ZNF189: variants seen among roughly 807,000 people sequenced by gnomAD.
The protein encoded by ZNF189 is zinc finger protein 189.
In ZNF189, 33 loss-of-function variants were observed where a neutral mutation model predicts 53.5. The observed-to-expected ratio is 0.62, with a 90% confidence interval of 0.47 to 0.82. The LOEUF is 0.82. Among genes scored for constraint, ZNF189 ranks in the 40% least tolerant of loss-of-function variants. The pLI, the probability that ZNF189 is intolerant of heterozygous loss-of-function variation, is 0.00. For synonymous variants in ZNF189, 247 were observed against 238.8 expected (o/e 1.03, Z -0.32); for missense variants, 711 against 753.9 (o/e 0.94, Z 0.67).
Position 101,409,128 on chromosome 9 carries a change from A to G in ZNF189, c.1360A>G (p.Lys454Glu). The change falls in exon 3 of 3, where the codon AAA becomes GAA. Residue 454 changes from lysine (K) to glutamate (E), a missense_variant. Physicochemically the swap from Lys to Glu is moderately conservative, Grantham distance 56. Coordinates refer to ENST00000339664, the MANE Select transcript of ZNF189 (RefSeq NM_003452.4). ...ACAGCAGGAAGTCTACCCTAAGGAG[A>G]AATCTTATAAATGTGATGAATGTGG... ...VIQQEVYPKE[K>E]SYKCDECGKT... 1 of 1,614,000 alleles carries G rather than the reference A, an allele frequency of 6.2e-7. No individual in the cohort carries two copies. The highest frequency in any genetic ancestry group is 2.2e-5 in the East Asian group (1 of 44,874).
At position 101,408,467 on chromosome 9, in the gene ZNF189, G is replaced by A; in HGVS notation, c.699G>A (p.Gln233=). The stretch of plus-strand genomic sequence containing the variant: ...TCCACACTGGAGAAAGACCCTATCA[G>A]TGTAATCAGTGTAAACAGAGCTTCA... ...QRIHTGERPY[Q]CNQCKQSFSQ... The change falls in exon 3 of 3, where the codon CAG becomes CAA. Residue 233 remains glutamine (Q), a synonymous_variant. Coordinates refer to ENST00000339664, the MANE Select transcript of ZNF189 (RefSeq NM_003452.4). 1 of 1,614,056 alleles carries A rather than the reference G, an allele frequency of 6.2e-7. No individual in the cohort carries two copies. The highest frequency in any genetic ancestry group is 8.5e-7 in the Non-Finnish European group (1 of 1,180,010).
In ZNF189 at chr9:101,408,883, A is replaced by G; in HGVS notation, c.1115A>G (p.Tyr372Cys). The G allele has an allele frequency of 6.2e-7, 1 of 1,614,102 alleles. No homozygotes were observed. The highest frequency in any genetic ancestry group is 8.5e-7 in the Non-Finnish European group (1 of 1,180,010). The part of the protein sequence containing the change: ...HQRIHTGERP[Y>C]QCKECGKSFS... Reference sequence around the variant, plus strand: ...AGGATCCATACTGGTGAAAGACCTTATCAGTGCAAAGAGTGTGGGAAAAGT... The same window carrying G: ...AGGATCCATACTGGTGAAAGACCTTGTCAGTGCAAAGAGTGTGGGAAAAGT... Residue 372 changes from tyrosine to cysteine, a missense_variant, in exon 3 of 3, where the codon TAT becomes TGT. Tyr to Cys is a radical substitution (Grantham distance 194). Transcript: ENST00000339664.
At position 101,410,213 on chromosome 9, in the gene ZNF189, C is replaced by T. The variant is rs10819928; in HGVS notation, c.*564C>T. 6.5e-6 allele frequency: 1 copy of T among 152,784 alleles called. No homozygotes were observed. Among genetic ancestry groups the T allele is most frequent in the Non-Finnish European group, 1.5e-5 (1 of 68,172 alleles). 9.5% of individuals were successfully genotyped at this position (152,784 alleles called of 1,614,324 possible). On this transcript the variant is annotated 3_prime_UTR_variant, in exon 3 of 3. Transcript: ENST00000339664. ...TTCCAATGCCTGATGGTTCCCAGAT[C>T]TATGAAATGAGTGGACCATTAACCT...
chr9:101,406,335 G>T (rs1303244712), intron 2 of ZNF189, among the ~76,000 whole-genome samples: 2 of 152,154 alleles, frequency 1.3e-5, no homozygotes, highest in East Asian at 3.8e-4. Context: ...AGTGTGTATT[G>T]AAGAAAGAGG....
At position 101,409,176 on chromosome 9, in the gene ZNF189, C is replaced by T; in HGVS notation, c.1408C>T (p.His470Tyr). 2 of 1,613,958 alleles carry T rather than the reference C, an allele frequency of 1.2e-6. No homozygotes were observed. The highest frequency in any genetic ancestry group is 2.2e-5 in the East Asian group (1 of 44,842). Residue 470 changes from histidine to tyrosine, a missense_variant, in exon 3 of 3, where the codon CAT (histidine) becomes TAT (tyrosine). By Grantham distance (83) the His-to-Tyr change is moderately conservative. Transcript: ENST00000339664. ...ECGKTFSVSAHLVQHQRIHTG... is the reference protein window; with the variant it reads ...ECGKTFSVSAYLVQHQRIHTG... ...TGGGAAAACTTTTAGTGTTAGTGCT[C>T]ATCTTGTACAACATCAAAGAATCCA...
At chr9:101,405,599 A>G (rs900975319) in intron 2 of ZNF189, among the ~76,000 whole-genome samples, 1 of 152,204 alleles carries the variant, frequency 6.6e-6, no homozygotes, top group Non-Finnish European at 1.5e-5. Context: ...AAATGTGGGT[A>G]ACAATAACAA....
chr9:101,405,433 A>G (rs948323524), intron 2 of ZNF189, among the ~76,000 whole-genome samples: 3 of 152,128 alleles, frequency 2.0e-5, no homozygotes, highest in Non-Finnish European at 4.4e-5. Flanking sequence ...CTGCTTTGAG[A>G]CTATAGGGTA....
intron 2 of ZNF189, 81 bp downstream of exon 2, chr9:101,400,091 C>T (rs1222679601): frequency 1.3e-6 from 2 of 1,543,234 alleles, no homozygotes; most frequent in African/African-American, 1.4e-5. Context: ...GGACGGAAAC[C>T]AGTACCAAAA....
intron 1 of ZNF189, 183 bp downstream of exon 1, chr9:101,399,372 C>CT: frequency 7.2e-7 from 1 of 1,380,478 alleles, no homozygotes; most frequent in Non-Finnish European, 9.3e-7. Flanking sequence ...CCACTGGCTC[C>CT]CTTTTTTTTT....
In ZNF189 at chr9:101,398,976, G is replaced by A; in HGVS notation, c.-181G>A. The A allele has an allele frequency of 2.9e-6, 2 of 696,338 alleles. No homozygotes were observed. Among genetic ancestry groups the A allele is most frequent in the Non-Finnish European group, 2.7e-6 (1 of 376,714 alleles). The allele number at this position is 696,338 out of a possible 1,614,324, so 43.1% of individuals were successfully genotyped here. ...GGGTTCGGGGTTGGGGGACAGCCAG[G>A]GATCGCGTCTGATATGCTGTTGGGG... On this transcript the variant is annotated 5_prime_UTR_variant, in exon 1 of 3. Coordinates refer to ENST00000339664, the MANE Select transcript of ZNF189 (RefSeq NM_003452.4).
At chr9:101,407,865 TA>T in intron 2 of ZNF189, 63 bp from the exon 3 acceptor site, 1 of 1,427,092 alleles carries the variant, frequency 7.0e-7, no homozygotes, top group Non-Finnish European at 9.3e-7. Flanking sequence ...TTGCCCATCT[TA>T]CTTTGTTTCT....
Position 101,409,552 on chromosome 9 carries a change from C to T in ZNF189, c.1784C>T (p.Thr595Ile). ...CAGAAGATCCATGCAGAGGTGAAAACCCAAGAAACCCATGAATGTGACGCT... is the reference window on the plus strand; with the variant it reads ...CAGAAGATCCATGCAGAGGTGAAAATCCAAGAAACCCATGAATGTGACGCT... ...NHQKIHAEVK[T>I]QETHECDACG... Residue 595 changes from threonine (T) to isoleucine (I), a missense_variant, in exon 3 of 3, where the codon ACC (threonine) becomes ATC (isoleucine). By Grantham distance (89) the Thr-to-Ile change is moderately conservative. Transcript: ENST00000339664. The T allele has an allele frequency of 6.2e-7, 1 of 1,614,034 alleles. No individual in the cohort carries two copies.
chr9:101,409,382 A>G lies in ZNF189; in HGVS notation c.1614A>G (p.Lys538=), dbSNP rs749940024. The G allele has an allele frequency of 1.2e-6, 2 of 1,613,730 alleles. No individual in the cohort carries two copies. Among genetic ancestry groups the G allele is most frequent in the East Asian group, 2.2e-5 (1 of 44,832 alleles). ...IRHQGVHTGN[K]PHKCDECGKA... ...ATCAGGGTGTTCACACAGGTAATAA[A>G]CCCCATAAATGTGATGAATGTGGAA... is the stretch of plus-strand genomic sequence containing the variant. The change falls in exon 3 of 3, where the codon AAA becomes AAG. Residue 538 remains lysine, a synonymous_variant. Transcript: ENST00000339664.
rs138201389 is a variant in ZNF189, at chr9:101,408,831, C to T, written c.1063C>T (p.Arg355Trp). Residue 355 changes from arginine (R) to tryptophan (W), a missense_variant, in exon 3 of 3, where the codon CGG becomes TGG. Physicochemically the swap from Arg to Trp is moderately radical, Grantham distance 101. Transcript: ENST00000339664. The part of the protein sequence containing the change: ...LCIECGKSFS[R>W]SSFLIEHQRI... The stretch of plus-strand genomic sequence containing the variant: ...TATTGAGTGTGGAAAAAGTTTCAGT[C>T]GGAGCTCATTCCTTATTGAACATCA... The T allele has an allele frequency of 3.7e-6, 6 of 1,614,094 alleles. No individual in the cohort carries two copies. The highest frequency in any genetic ancestry group is 2.2e-5 in the East Asian group (1 of 44,868).
chr9:101,409,304 T>C lies in ZNF189; in HGVS notation c.1536T>C (p.Tyr512=), dbSNP rs1452561634. The change falls in exon 3 of 3, where the codon TAT becomes TAC. Residue 512 remains tyrosine, a synonymous_variant. Coordinates refer to ENST00000339664, the MANE Select transcript of ZNF189 (RefSeq NM_003452.4). ...HQRIHTGERP[Y]LCRQCGKSFS... ...GAATCCACACTGGTGAGAGACCCTA[T>C]CTGTGCAGACAGTGTGGAAAAAGCT... The C allele has an allele frequency of 6.2e-7, 1 of 1,614,088 alleles. No homozygotes were observed. Among genetic ancestry groups the C allele is most frequent in the Admixed American group, 1.7e-5 (1 of 59,992 alleles).
At chr9:101,407,437 G>A in intron 2 of ZNF189, 1 of 398,362 alleles carries the variant, frequency 2.5e-6, no homozygotes, top group Non-Finnish European at 4.4e-6. Context: ...CTAGGCTGGT[G>A]TGCAGCGACG....
chr9:101,406,643 A>G (rs896642816), intron 2 of ZNF189, among the ~76,000 whole-genome samples: 3 of 152,234 alleles, frequency 2.0e-5, no homozygotes, highest in Non-Finnish European at 2.9e-5. Flanking sequence ...GTAAGCAAAT[A>G]GAAAATTCAA....
rs1403962961 is a variant in ZNF189 at position 101,409,566 on chromosome 9, G to A, written c.1798G>A (p.Glu600Lys). The A allele has an allele frequency of 1.2e-6, 2 of 1,613,920 alleles. No homozygotes were observed. Among genetic ancestry groups the A allele is most frequent in the African/African-American group, 2.7e-5 (2 of 74,922 alleles). Reference sequence around the variant, plus strand: ...AGAGGTGAAAACCCAAGAAACCCATGAATGTGACGCTTGTGGTGAAGCCTT... The same window carrying A: ...AGAGGTGAAAACCCAAGAAACCCATAAATGTGACGCTTGTGGTGAAGCCTT... ...HAEVKTQETHECDACGEAFNC... is the reference protein window; with the variant it reads ...HAEVKTQETHKCDACGEAFNC... The change falls in exon 3 of 3, where the codon GAA (glutamate) becomes AAA (lysine). Residue 600 changes from glutamate to lysine, a missense_variant. Coordinates refer to ENST00000339664, the MANE Select transcript of ZNF189 (RefSeq NM_003452.4).
chr9:101,401,851 C>A (rs1830546810), intron 2 of ZNF189, among the ~76,000 whole-genome samples: 1 of 152,072 alleles, frequency 6.6e-6, no homozygotes, highest in Admixed American at 6.6e-5. Flanking sequence ...TCCCCTCAGT[C>A]TGTACTCTTT....
Sources: gnomAD v4.1 joint callset for allele counts (sites outside exome capture counted in the v4.1 genomes callset) on GRCh38, gnomAD v4.1.1 for gene constraint, MANE v1.5 for transcripts, NCBI Gene and HGNC (gene_info 2026-07-23, HGNC 2026-07-21) for gene names.